Variants in CPT1A observed in about 807,000 individuals in gnomAD.
CPT1A encodes carnitine O-palmitoyltransferase 1, liver isoform.
CPT1A carries 64 observed loss-of-function variants against 100.8 expected under a neutral mutation model. The observed-to-expected ratio is 0.63, with a 90% CI of 0.52 to 0.78. CPT1A has a LOEUF of 0.78. Ranked by LOEUF, CPT1A falls within the 30% of genes least tolerant of loss-of-function variation. The pLI is 0.00. For synonymous variants in CPT1A, 363 were observed against 396.0 expected (o/e 0.92, Z 0.99); for missense variants, 802 against 1,034.1 (o/e 0.78, Z 3.08).
intron 5 of CPT1A, among the ~76,000 whole-genome samples, chr11:68,802,177 C>T (rs187616417): frequency 6.6e-6 from 1 of 152,062 alleles, no homozygotes. Flanking sequence ...GATGAAATGT[C>T]CTGGAACGAG....
At chr11:68,843,988 G>A (rs1359597263), upstream of CPT1A, among the ~76,000 whole-genome samples, 1 of 152,234 alleles carries the variant, frequency 6.6e-6, no homozygotes, top group Non-Finnish European at 1.5e-5. The surrounding 1 kb of genome is among the most constrained non-coding windows in gnomAD (Gnocchi z 4.0). Context: ...GCCCCGGTGC[G>A]CGCCCAGCTG....
At chr11:68,842,172 C>A (rs933790573), upstream of CPT1A, among the ~76,000 whole-genome samples, 1 of 152,176 alleles carries the variant, frequency 6.6e-6, no homozygotes, top group African/African-American at 2.4e-5. Flanking sequence ...CGCTTAGCTC[C>A]GTGCCTGGCT....
chr11:68,758,807 G>A (rs1316850319), intron 18 of CPT1A, among the ~76,000 whole-genome samples: 6 of 151,496 alleles, frequency 4.0e-5, no homozygotes, highest in Non-Finnish European at 7.4e-5. Flanking sequence ...TAGTAGAGGC[G>A]GGGTTTCACC....
intron 8 of CPT1A, among the ~76,000 whole-genome samples, chr11:68,794,577 AT>A (rs1161223449): frequency 2.0e-5 from 3 of 152,020 alleles, no homozygotes; most frequent in Admixed American, 6.6e-5. Flanking sequence ...CGCCCAGCTA[AT>A]TTTTCTATTT....
intron 5 of CPT1A, among the ~76,000 whole-genome samples, chr11:68,799,936 T>C (rs2154000245): frequency 6.6e-6 from 1 of 152,294 alleles, no homozygotes; most frequent in African/African-American, 2.4e-5. Context: ...AAAATCACCA[T>C]TAAATTTTTA....
chr11:68,788,630 T>TTAAAAA (rs746681111), intron 9 of CPT1A, among the ~76,000 whole-genome samples: 6 of 27,556 alleles, frequency 2.2e-4, no homozygotes, highest in Middle Eastern at 0.071. Context: ...CAAACAAAAG[T>TTAAAAA]AAAAAAAAAA....
chr11:68,829,421 G>A lies in CPT1A; in HGVS notation c.-14+12354C>T, dbSNP rs553102076. On this transcript the variant is annotated intron_variant, in intron 1 of 18. Coordinates refer to ENST00000265641, the MANE Select transcript of CPT1A (RefSeq NM_001876.4). ...TGGTGGGAAAAGGTGGTGTCCCGGG[G>A]GACAAAGTTTACACAGCGTGACCAT... is the stretch of plus-strand genomic sequence containing the variant. Among the ~76,000 whole-genome samples the A allele has an allele frequency of 5.8e-4, 88 of 152,240 alleles. 7 individuals carry two copies. The highest frequency in any genetic ancestry group is 5.2e-3 in the Admixed American group (79 of 15,288).
At chr11:68,802,253 G>A (rs1855921017) in intron 5 of CPT1A, among the ~76,000 whole-genome samples, 1 of 150,022 alleles carries the variant, frequency 6.7e-6, no homozygotes, top group Admixed American at 6.6e-5. Context: ...ACTTGAAAAT[G>A]GTTAACAGTA....
chr11:68,791,869 G>A (rs1415304472), intron 9 of CPT1A, among the ~76,000 whole-genome samples: 3 of 152,108 alleles, frequency 2.0e-5, no homozygotes, highest in Non-Finnish European at 4.4e-5. Context: ...CTGAAGGCAG[G>A]ATCAGAGGAA....
intron 5 of CPT1A, among the ~76,000 whole-genome samples, chr11:68,802,905 A>G (rs1394084297): frequency 6.6e-6 from 1 of 151,386 alleles, no homozygotes; most frequent in African/African-American, 2.4e-5. Context: ...TCAAAAAAAA[A>G]AAAAAAAAAA....
chr11:68,823,885 G>GA (rs1856652602), intron 1 of CPT1A, among the ~76,000 whole-genome samples: 1 of 152,090 alleles, frequency 6.6e-6, no homozygotes. Flanking sequence ...CTCAGAAACA[G>GA]AAAACCAAAT....
intron 1 of CPT1A, among the ~76,000 whole-genome samples, chr11:68,833,031 A>G (rs534861748): frequency 2.0e-5 from 3 of 152,204 alleles, no homozygotes; most frequent in Admixed American, 6.5e-5. Context: ...CCGGGTGACC[A>G]ATGCCTGGGA....
intron 1 of CPT1A, among the ~76,000 whole-genome samples, chr11:68,837,195 G>A (rs369014342): frequency 3.0e-4 from 45 of 152,210 alleles, no homozygotes; most frequent in South Asian, 4.1e-4. Context: ...GATTACAGGC[G>A]TGCATCACCA....
intron 6 of CPT1A, among the ~76,000 whole-genome samples, chr11:68,798,616 C>T (rs1855819438): frequency 6.6e-6 from 1 of 152,168 alleles, no homozygotes; most frequent in African/African-American, 2.4e-5. Flanking sequence ...CACCGAGCCA[C>T]ACTCAACCCC....
In CPT1A at chr11:68,756,081, C is replaced by T. The variant is rs915926036; in HGVS notation, c.*1563G>A. ...GAGCCGAGATTGCACCACTGCACTC[C>T]AGCCTGGGCAACAAGAGTGAAACTC... On this transcript the variant is annotated 3_prime_UTR_variant, in exon 19 of 19. Transcript: ENST00000265641. 7.8e-6 allele frequency: 1 copy of T among 128,432 alleles called. No homozygotes were observed. Among genetic ancestry groups the T allele is most frequent in the Non-Finnish European group, 1.5e-5 (1 of 65,060 alleles). 8.0% of individuals were successfully genotyped at this position (128,432 alleles called of 1,614,324 possible).
At chr11:68,770,113 GT>G (rs1201706205) in intron 14 of CPT1A, among the ~76,000 whole-genome samples, 1 of 151,444 alleles carries the variant, frequency 6.6e-6, no homozygotes, top group East Asian at 1.9e-4. Flanking sequence ...TGGTTCTGAA[GT>G]TTTTTTTCAT....
At chr11:68,795,351 A>G (rs866020355) in intron 7 of CPT1A, among the ~76,000 whole-genome samples, 1 of 152,240 alleles carries the variant, frequency 6.6e-6, no homozygotes, top group African/African-American at 2.4e-5. Context: ...GAAAAGGCCA[A>G]GGAACACAGG....
Position 68,767,451 on chromosome 11 carries a change from T to C in CPT1A, c.1741-4690A>G, listed in dbSNP as rs1229480495. On this transcript the variant is annotated intron_variant, in intron 14 of 18. Coordinates refer to ENST00000265641, the MANE Select transcript of CPT1A (RefSeq NM_001876.4). ...AAAAAACATAAAAATTAGACGGGCC[T>C]GGTGGTAAATGCCTATAGTCCCAGC... Among the ~76,000 whole-genome samples the C allele has an allele frequency of 3.9e-5, 6 of 152,212 alleles. No individual in the cohort carries two copies. In the East Asian group the frequency reaches 1.2e-3, roughly 29 times the overall value.
At position 68,793,341 on chromosome 11, in the gene CPT1A, G is replaced by A. The variant is rs80356776; in HGVS notation, c.941C>T (p.Thr314Ile). ...TGTCTCCTCTCCTGGGATCCGGGAAGTATTAAACATCCGCTCCCACTGAGC... is the reference window on the plus strand; with the variant it reads ...TGTCTCCTCTCCTGGGATCCGGGAAATATTAAACATCCGCTCCCACTGAGC... ...CSAQWERMFN[T>I]SRIPGEETDT... Residue 314 changes from threonine (T) to isoleucine (I), a missense_variant, in exon 9 of 19, where the codon ACT (threonine) becomes ATT (isoleucine). Thr to Ile is a moderately conservative substitution (Grantham distance 89, BLOSUM62 -1). This residue lies in a region of CPT1A where 627 missense variants were observed against 799.3 expected (regional missense o/e 0.78). Transcript: ENST00000265641. 6 of 1,611,910 alleles carry A rather than the reference G, an allele frequency of 3.7e-6. No individual in the cohort carries two copies. The highest frequency in any genetic ancestry group is 5.1e-6 in the Non-Finnish European group (6 of 1,179,164).
Sources: gnomAD v4.1 joint callset for allele counts (sites outside exome capture counted in the v4.1 genomes callset) on GRCh38, gnomAD v4.1.1 for gene constraint, gnomAD v4.1.1 regional missense constraint, Gnocchi (gnomAD v3.1) non-coding constraint, MANE v1.5 for transcripts, NCBI Gene and HGNC (gene_info 2026-07-23, HGNC 2026-07-21) for gene names.